ZNF366: variants seen among roughly 807,000 people sequenced by gnomAD.
The protein encoded by ZNF366 is zinc finger protein 366.
In ZNF366, 20 loss-of-function variants were observed where a neutral mutation model predicts 47.2. That is an observed-to-expected ratio of 0.42 (90% CI 0.30 to 0.62). The LOEUF (loss-of-function observed/expected upper bound fraction) is 0.62. Among genes scored for constraint, ZNF366 ranks in the 20% least tolerant of loss-of-function variants. ZNF366 has a pLI of 0.16. For missense variants in ZNF366, 987 were observed against 976.3 expected, an observed-to-expected ratio of 1.01 and a Z score of -0.15; for synonymous variants, 421 against 395.1, an observed-to-expected ratio of 1.07 and a Z score of -0.78.
intron 1 of ZNF366, among the ~76,000 whole-genome samples, chr5:72,485,094 A>T (rs1459544146): frequency 6.8e-6 from 1 of 147,370 alleles, no homozygotes; most frequent in African/African-American, 2.5e-5. Flanking sequence ...TGCACACTGG[A>T]TTTCAAAAAT....
At position 72,485,482 on chromosome 5, in the gene ZNF366, G is replaced by T. The variant is rs897146414; in HGVS notation, c.-15+21769C>A. 2.6e-5 allele frequency among the ~76,000 whole-genome samples: 4 copies of T among 152,096 alleles called. No homozygotes were observed. In the East Asian group the frequency reaches 5.8e-4, roughly 22 times the overall value. ...GTATATGAATTAGCAAATCCTACGG[G>T]CTCCATTTTCAATGTCTGTCTAGAA... On this transcript the variant is annotated intron_variant, in intron 1 of 4. Transcript: ENST00000318442.
chr5:72,440,269 T>C lies in ZNF366; in HGVS notation c.*3487A>G, dbSNP rs1742829094. The C allele has an allele frequency of 6.6e-6, 1 of 152,200 alleles. No homozygotes were observed. The highest frequency in any genetic ancestry group is 1.5e-5 in the Non-Finnish European group (1 of 68,028). The allele number at this position is 152,200 out of a possible 1,614,324, so 9.4% of individuals were successfully genotyped here. ...TCATATACAAATATACCAGTTACTC[T>C]TGTGGGTTTATGAAAGGTCAGCCTT... On this transcript the variant is annotated 3_prime_UTR_variant, in exon 5 of 5. Transcript: ENST00000318442.
chr5:72,484,107 T>C (rs1561201341), intron 1 of ZNF366, among the ~76,000 whole-genome samples: 2 of 152,232 alleles, frequency 1.3e-5, no homozygotes, highest in Non-Finnish European at 2.9e-5. Context: ...ATTTCATCTA[T>C]AAATATTTCA....
At chr5:72,452,092 A>G (rs2879093) in intron 3 of ZNF366, among the ~76,000 whole-genome samples, 130,515 of 152,278 alleles carry the variant, frequency 0.86, 56,110 homozygotes, top group East Asian at 0.96. Flanking sequence ...GTGAGCTTTA[A>G]AAATGAGATG....
In ZNF366 at chr5:72,486,534, C is replaced by A. The variant is rs556297668; in HGVS notation, c.-15+20717G>T. Among the ~76,000 whole-genome samples, 11 of 152,354 alleles carry A rather than the reference C, an allele frequency of 7.2e-5. 1 individual carries two copies. The South Asian group carries it at 1.9e-3, about 26-fold the overall frequency. On this transcript the variant is annotated intron_variant, in intron 1 of 4. Coordinates refer to ENST00000318442, the MANE Select transcript of ZNF366 (RefSeq NM_152625.3). ...AATATACCACAACATTCTCTCCCTT[C>A]CCAAGGACAGACTTGGGCTATTTCT...
intron 1 of ZNF366, among the ~76,000 whole-genome samples, chr5:72,464,027 C>T (rs1743385304): frequency 6.6e-6 from 1 of 152,130 alleles, no homozygotes; most frequent in African/African-American, 2.4e-5. Context: ...AAAGTCTCTT[C>T]CAGACTACAA....
At chr5:72,456,704 T>A (rs940167440) in intron 2 of ZNF366, 109 bp from the exon 3 acceptor site, 2 of 1,119,204 alleles carry the variant, frequency 1.8e-6, no homozygotes, top group Non-Finnish European at 2.5e-6. Context: ...AAGAGCTTGG[T>A]GATAGATGTT....
chr5:72,498,481 G>A (rs1309582535), intron 1 of ZNF366, among the ~76,000 whole-genome samples: 9 of 152,196 alleles, frequency 5.9e-5, no homozygotes, highest in African/African-American at 9.6e-5. Context: ...TCTTTCCTGC[G>A]TTACTCACAT....
intron 1 of ZNF366, among the ~76,000 whole-genome samples, chr5:72,486,988 A>G (rs1339626440): frequency 6.6e-6 from 1 of 151,982 alleles, no homozygotes; most frequent in Non-Finnish European, 1.5e-5. Context: ...TGTTGGCCAG[A>G]CTGATCTTGA....
chr5:72,502,087 C>T (rs1284092814), intron 1 of ZNF366, among the ~76,000 whole-genome samples: 2 of 151,972 alleles, frequency 1.3e-5, no homozygotes, highest in African/African-American at 4.8e-5. Context: ...ATAAAGATAG[C>T]ATCTTTCATT....
intron 1 of ZNF366, among the ~76,000 whole-genome samples, chr5:72,470,425 CT>C (rs1456365023): frequency 6.6e-6 from 1 of 152,214 alleles, no homozygotes; most frequent in African/African-American, 2.4e-5. Context: ...ATGGAGACTT[CT>C]AGGTGAAACC....
intron 1 of ZNF366, among the ~76,000 whole-genome samples, chr5:72,503,905 C>T (rs1197413075): frequency 1.3e-5 from 2 of 152,242 alleles, no homozygotes; most frequent in East Asian, 3.9e-4. Context: ...GTGTGTTTTG[C>T]TTTTGGAAAG....
chr5:72,495,189 T>A (rs192249454), intron 1 of ZNF366, among the ~76,000 whole-genome samples: 26 of 152,318 alleles, frequency 1.7e-4, no homozygotes, highest in Admixed American at 3.3e-4. Context: ...TACAACCTGT[T>A]AACTTACACG....
intron 1 of ZNF366, among the ~76,000 whole-genome samples, chr5:72,461,833 T>C (rs1743320130): frequency 6.6e-6 from 1 of 152,200 alleles, no homozygotes; most frequent in South Asian, 2.1e-4. Flanking sequence ...TGAGAACTCA[T>C]CTGGCCATTG....
intron 4 of ZNF366, among the ~76,000 whole-genome samples, chr5:72,447,033 T>C (rs955075401): frequency 1.3e-5 from 2 of 152,242 alleles, no homozygotes; most frequent in Non-Finnish European, 2.9e-5. Context: ...ACTGGCATCA[T>C]GATGATAGTC....
intron 1 of ZNF366, among the ~76,000 whole-genome samples, chr5:72,497,340 T>C (rs552877785): frequency 6.6e-6 from 1 of 152,220 alleles, no homozygotes; most frequent in East Asian, 1.9e-4. Context: ...AGAGCCAAAG[T>C]TCATTTTTTC....
chr5:72,456,315 T>C (rs948963685), intron 3 of ZNF366, 89 bp downstream of exon 3: 32 of 1,437,948 alleles, frequency 2.2e-5, no homozygotes, highest in Non-Finnish European at 2.4e-5. Flanking sequence ...GTAGCCCCAC[T>C]GATGAAACAG....
chr5:72,473,850 C>T (rs1336828358), intron 1 of ZNF366, among the ~76,000 whole-genome samples: 1 of 152,224 alleles, frequency 6.6e-6, no homozygotes, highest in Non-Finnish European at 1.5e-5. Flanking sequence ...TCTGTCATTG[C>T]ACCTTGCACT....
chr5:72,456,300 C>A (rs1743184440), intron 3 of ZNF366, 104 bp downstream of exon 3: 2 of 1,295,208 alleles, frequency 1.5e-6, no homozygotes, highest in African/African-American at 1.5e-5. Flanking sequence ...CTACTCTGAG[C>A]CCCCGTAGCC....
Sources: gnomAD v4.1 joint callset for allele counts (sites outside exome capture counted in the v4.1 genomes callset) on GRCh38, gnomAD v4.1.1 for gene constraint, MANE v1.5 for transcripts, NCBI Gene and HGNC (gene_info 2026-07-23, HGNC 2026-07-21) for gene names.